Variants in ARL15 observed in about 807,000 individuals in gnomAD.
ARL15 encodes ARF like GTPase 15.
Under a neutral mutation model 25.2 loss-of-function variants are expected in ARL15, and 19 were observed. That is an observed-to-expected ratio of 0.75 (90% confidence interval 0.53 to 1.10). The LOEUF (loss-of-function observed/expected upper bound fraction) is 1.10, where lower values mean the gene tolerates loss of function less well. Ranked by LOEUF, ARL15 falls within the 50% of genes least tolerant of loss-of-function variation. The pLI is 0.00. For synonymous variants in ARL15, 94 were observed against 86.8 expected, an observed-to-expected ratio of 1.08 and a Z score of -0.46; for missense variants, 220 against 246.0, an observed-to-expected ratio of 0.89 and a Z score of 0.71.
At chr5:53,976,049 AT>A (rs1747911146) in intron 4 of ARL15, among the ~76,000 whole-genome samples, 1 of 152,200 alleles carries the variant, frequency 6.6e-6, no homozygotes, top group Non-Finnish European at 1.5e-5. Flanking sequence ...AAGGAAAGAA[AT>A]TGATTTCCTG....
chr5:53,986,368 A>G (rs1260768093), intron 4 of ARL15, among the ~76,000 whole-genome samples: 3 of 152,186 alleles, frequency 2.0e-5, no homozygotes, highest in Admixed American at 6.6e-5. Context: ...TTATTTTTCA[A>G]TTTTGACCAT....
chr5:53,963,397 T>A (rs991938479), intron 4 of ARL15, among the ~76,000 whole-genome samples: 1 of 152,178 alleles, frequency 6.6e-6, no homozygotes, highest in Admixed American at 6.5e-5. Context: ...CAGAAACTCA[T>A]AGGGTCTTCT....
At chr5:53,979,720 T>A (rs1361347211) in intron 4 of ARL15, among the ~76,000 whole-genome samples, 1 of 152,158 alleles carries the variant, frequency 6.6e-6, no homozygotes, top group East Asian at 1.9e-4. Context: ...ATTAAGTGAC[T>A]GACACATAAA....
intron 4 of ARL15, among the ~76,000 whole-genome samples, chr5:53,903,087 G>A (rs1298851492): frequency 6.6e-6 from 1 of 152,148 alleles, no homozygotes; most frequent in African/African-American, 2.4e-5. Flanking sequence ...AAAGCTAAGT[G>A]GTAATCCGTA....
intron 4 of ARL15, among the ~76,000 whole-genome samples, chr5:54,110,197 T>A (rs762424998): frequency 6.6e-6 from 1 of 151,982 alleles, no homozygotes; most frequent in Non-Finnish European, 1.5e-5. Context: ...ATAGCAACAC[T>A]CATAGTAGGG....
chr5:54,126,014 T>G (rs978373130), intron 3 of ARL15, among the ~76,000 whole-genome samples: 5 of 152,154 alleles, frequency 3.3e-5, no homozygotes, highest in Non-Finnish European at 7.4e-5. Flanking sequence ...TGTTGCGCTG[T>G]GCTGTACTGC....
chr5:53,903,118 A>G (rs1157302757), intron 4 of ARL15, among the ~76,000 whole-genome samples: 1 of 152,168 alleles, frequency 6.6e-6, no homozygotes, highest in African/African-American at 2.4e-5. Context: ...TTAGCCAAAA[A>G]ATCCCACACA....
intron 2 of ARL15, among the ~76,000 whole-genome samples, chr5:54,169,794 ACT>A (rs1754668037): frequency 6.6e-6 from 1 of 152,098 alleles, no homozygotes; most frequent in Non-Finnish European, 1.5e-5. Flanking sequence ...AGGAGGGAGT[ACT>A]CAGTTCTGTC....
Position 53,886,346 on chromosome 5 carries a change from A to G in ARL15, c.*215T>C. Reference sequence around the variant, plus strand: ...AGATAATTAGTGGTAAACAGAGAATAAATTCTCTCTCAGTAGTGTGTACTT... The same window carrying G: ...AGATAATTAGTGGTAAACAGAGAATGAATTCTCTCTCAGTAGTGTGTACTT... On this transcript the variant is annotated 3_prime_UTR_variant, in exon 5 of 5. Transcript: ENST00000504924. The G allele has an allele frequency of 2.0e-6, 1 of 505,930 alleles. No individual in the cohort carries two copies. Among genetic ancestry groups the G allele is most frequent in the Non-Finnish European group, 3.4e-6 (1 of 291,076 alleles). 31.3% of individuals were successfully genotyped at this position (505,930 alleles called of 1,614,324 possible). A position where few individuals can be genotyped will look rare whatever the true frequency, so the allele number is the denominator to read the frequency against.
intron 3 of ARL15, among the ~76,000 whole-genome samples, chr5:54,120,504 T>G (rs1228468720): frequency 1.3e-5 from 2 of 152,124 alleles, no homozygotes; most frequent in Non-Finnish European, 2.9e-5. Context: ...TCCAACAGAA[T>G]CAGTACCCAA....
At chr5:53,963,411 A>G (rs143208868) in intron 4 of ARL15, among the ~76,000 whole-genome samples, 3 of 152,356 alleles carry the variant, frequency 2.0e-5, no homozygotes, top group Non-Finnish European at 4.4e-5. Context: ...GTCTTCTGAC[A>G]TGAAAGGCAA....
chr5:54,049,896 C>T (rs1380517064), intron 4 of ARL15, among the ~76,000 whole-genome samples: 2 of 152,066 alleles, frequency 1.3e-5, no homozygotes, highest in African/African-American at 4.8e-5. Context: ...TAATCTTCAG[C>T]TTGCATTTTG....
intron 4 of ARL15, among the ~76,000 whole-genome samples, chr5:54,085,815 G>C (rs1207567885): frequency 1.3e-5 from 2 of 152,076 alleles, no homozygotes; most frequent in East Asian, 3.9e-4. Flanking sequence ...TGGTAACCAC[G>C]GCTTAGAAGA....
At chr5:53,975,123 TC>T (rs1192613177) in intron 4 of ARL15, among the ~76,000 whole-genome samples, 1 of 152,198 alleles carries the variant, frequency 6.6e-6, no homozygotes, top group Non-Finnish European at 1.5e-5. Flanking sequence ...ACCTTTTTTT[TC>T]CTTACTCCTA....
At position 53,976,741 on chromosome 5, in the gene ARL15, C is replaced by T. The variant is rs931158978; in HGVS notation, c.463-90028G>A. Among the ~76,000 whole-genome samples, 3 of 152,096 alleles carry T rather than the reference C, an allele frequency of 2.0e-5. No homozygotes were observed. The South Asian group carries it at 6.2e-4, about 32-fold the overall frequency. On this transcript the variant is annotated intron_variant, in intron 4 of 4. Transcript: ENST00000504924. ...GTGGTGCTGGTGGTTCAGAAATGTC[C>T]GTTTCTAGAAGGAAAGTTCTATACA...
intron 4 of ARL15, among the ~76,000 whole-genome samples, chr5:53,939,119 C>T (rs996784193): frequency 6.6e-6 from 1 of 152,198 alleles, no homozygotes; most frequent in Non-Finnish European, 1.5e-5. Context: ...ATATTTCAAG[C>T]ATCATTAATT....
chr5:54,259,642 C>T (rs781526831), intron 1 of ARL15, among the ~76,000 whole-genome samples: 8 of 152,044 alleles, frequency 5.3e-5, no homozygotes, highest in Non-Finnish European at 1.0e-4. Flanking sequence ...ATCTATAGAC[C>T]CCTACACTGC....
intron 4 of ARL15, among the ~76,000 whole-genome samples, chr5:53,899,342 T>TA (rs1744981238): frequency 2.5e-5 from 2 of 81,150 alleles, no homozygotes; most frequent in East Asian, 9.9e-4. Flanking sequence ...AGTGAGACTC[T>TA]ATCCCAAAAA....
At chr5:54,307,426 A>G (rs1758783323) in intron 1 of ARL15, among the ~76,000 whole-genome samples, 1 of 152,210 alleles carries the variant, frequency 6.6e-6, no homozygotes, top group Non-Finnish European at 1.5e-5. Context: ...AAACCAAGTC[A>G]GGCACCGCAC....
Sources: allele counts gnomAD v4.1 joint callset (sites outside exome capture counted in the v4.1 genomes callset), GRCh38; gene constraint gnomAD v4.1.1; transcripts MANE v1.5; gene names NCBI Gene and HGNC (gene_info 2026-07-23, HGNC 2026-07-21).